The following CHODL variants were observed in gnomAD, a reference collection of about 807,000 sequenced individuals.
CHODL encodes the protein transmembrane protein MT75.
A neutral mutation model predicts 34.5 loss-of-function variants in CHODL; 29 were observed. The observed-to-expected ratio is 0.84, with a 90% confidence interval of 0.63 to 1.15. The LOEUF is 1.15. Ranked by LOEUF, CHODL falls within the 50% of genes most tolerant of loss-of-function variation. The probability of loss-of-function intolerance (pLI) is 0.00; values close to 1 mark genes in which losing one functional copy is unlikely to be tolerated. For missense variants in CHODL, 332 were observed against 332.5 expected (o/e 1.00, Z 0.01); for synonymous variants, 125 against 116.1 (o/e 1.08, Z -0.49).
chr21:17,997,701 C>T (rs950129576), intron 1 of CHODL, among the ~76,000 whole-genome samples: 5 of 152,126 alleles, frequency 3.3e-5, no homozygotes, highest in African/African-American at 1.2e-4. Context: ...AAAGTGAAAA[C>T]GGAAACCCCT....
intron 2 of CHODL, among the ~76,000 whole-genome samples, chr21:18,220,695 GTT>G (rs75523177): frequency 6.8e-6 from 1 of 147,168 alleles, no homozygotes. Flanking sequence ...TTGGCTCACA[GTT>G]TTTTTTTTTC....
chr21:18,077,805 A>G (rs1369425340), intron 2 of CHODL, among the ~76,000 whole-genome samples: 2 of 152,182 alleles, frequency 1.3e-5, no homozygotes, highest in East Asian at 3.9e-4. Flanking sequence ...TTTCTAAGCC[A>G]CTAAGTCTAT....
At chr21:18,127,275 CT>C (rs1289097318) in intron 2 of CHODL, among the ~76,000 whole-genome samples, 24 of 152,114 alleles carry the variant, frequency 1.6e-4, no homozygotes, top group Non-Finnish European at 8.8e-5. Context: ...AATTGTGTGG[CT>C]TTTAATCACT....
chr21:18,084,484 GA>G (rs1329495966), intron 2 of CHODL, among the ~76,000 whole-genome samples: 1 of 152,114 alleles, frequency 6.6e-6, no homozygotes, highest in African/African-American at 2.4e-5. Flanking sequence ...AACTCACAGA[GA>G]AAAATTTTAA....
intron 2 of CHODL, among the ~76,000 whole-genome samples, chr21:18,226,091 A>G (rs2038346046): frequency 6.6e-6 from 1 of 152,278 alleles, no homozygotes; most frequent in African/African-American, 2.4e-5. Context: ...ACAGGAGCCA[A>G]AAGAGAATCT....
At chr21:18,260,847 CA>C (rs796997087) in intron 4 of CHODL, among the ~76,000 whole-genome samples, 1 of 109,504 alleles carries the variant, frequency 9.1e-6, no homozygotes, top group Admixed American at 8.3e-5. Context: ...ACAACAACAA[CA>C]AAAAAACACC....
intron 2 of CHODL, among the ~76,000 whole-genome samples, chr21:18,079,668 T>C (rs205703): frequency 0.41 from 61,515 of 151,206 alleles, 13,710 homozygotes; most frequent in Non-Finnish European, 0.51. Context: ...ATGGACACTT[T>C]AGTTGATTCT....
Position 18,113,282 on chromosome 21 carries a change from G to A in CHODL, c.-45+85311G>A, listed in dbSNP as rs1356614449. Among the ~76,000 whole-genome samples, 4 of 152,164 alleles carry A rather than the reference G, an allele frequency of 2.6e-5. No homozygotes were observed. The East Asian group carries it at 7.7e-4, about 29-fold the overall frequency. ...AATGCTGGCGAGGATGCGGAGAAAAGTGAATTCTTGCACACTGTTGGTGGG... is the reference window on the plus strand; with the variant it reads ...AATGCTGGCGAGGATGCGGAGAAAAATGAATTCTTGCACACTGTTGGTGGG... On this transcript the variant is annotated intron_variant, in intron 2 of 6. Coordinates refer to the CHODL transcript ENST00000400127.
At chr21:17,947,082 C>T (rs2063416190) in intron 1 of CHODL, among the ~76,000 whole-genome samples, 1 of 151,998 alleles carries the variant, frequency 6.6e-6, no homozygotes, top group Non-Finnish European at 1.5e-5. Context: ...GAGTTAGCAA[C>T]ATTCCAGGAT....
At chr21:18,181,210 T>C (rs1223313486) in intron 2 of CHODL, among the ~76,000 whole-genome samples, 1 of 152,232 alleles carries the variant, frequency 6.6e-6, no homozygotes, top group Non-Finnish European at 1.5e-5. Context: ...AACTGTTATG[T>C]ATATGTTCAT....
At chr21:18,101,856 C>T (rs943569639) in intron 2 of CHODL, among the ~76,000 whole-genome samples, 1 of 151,798 alleles carries the variant, frequency 6.6e-6, no homozygotes, top group African/African-American at 2.4e-5. Context: ...TAATGAAATC[C>T]ATATTTGCTT....
chr21:18,260,197 CAG>C lies in CHODL; in HGVS notation c.549_550del, dbSNP rs1277303220. ...ATATGATGGTGGTTCTTATTATTTACAGAGATTAATCCAACAGCCCCTGTAGA... is the reference window on the plus strand; with the variant it reads ...ATATGATGGTGGTTCTTATTATTTACAGATTAATCCAACAGCCCCTGTAGA... On this transcript the variant is annotated splice_acceptor_variant, in intron 3 of 5. Transcript: ENST00000299295. LOFTEE classifies it high-confidence loss of function. The C allele has an allele frequency of 2.0e-6, 3 of 1,493,654 alleles. No individual in the cohort carries two copies. The highest frequency in any genetic ancestry group is 2.7e-6 in the Non-Finnish European group (3 of 1,108,444). 92.5% of individuals were successfully genotyped at this position (1,493,654 alleles called of 1,614,324 possible). A position where few individuals can be genotyped will look rare whatever the true frequency, so the allele number is the denominator to read the frequency against.
chr21:18,233,948 A>G (rs113379978), intron 2 of CHODL, among the ~76,000 whole-genome samples: 17 of 152,248 alleles, frequency 1.1e-4, no homozygotes, highest in African/African-American at 4.1e-4. Flanking sequence ...TTTTTTGATG[A>G]CATACTGAAG....
chr21:18,142,067 T>C (rs1190547708), intron 2 of CHODL, among the ~76,000 whole-genome samples: 1 of 152,084 alleles, frequency 6.6e-6, no homozygotes, highest in Non-Finnish European at 1.5e-5. Context: ...TTTTTGTCAA[T>C]AAAACAAAAC....
intron 1 of CHODL, among the ~76,000 whole-genome samples, chr21:17,993,279 G>A (rs2063815809): frequency 6.6e-6 from 1 of 152,066 alleles, no homozygotes; most frequent in Non-Finnish European, 1.5e-5. Flanking sequence ...GTTAACCTTT[G>A]TCATGGGGGT....
Position 18,245,287 on chromosome 21 carries a change from C to A in CHODL, c.64C>A (p.Arg22Ser). ...ALLCGHGAFC[R>S]RVVSGQKVCF... ...GCTCTGCGGCCACGGAGCCTTCTGCCGCCGCGTGGTCAGCGGTGAGTCAGG... is the reference window on the plus strand; with the variant it reads ...GCTCTGCGGCCACGGAGCCTTCTGCAGCCGCGTGGTCAGCGGTGAGTCAGG... The change falls in exon 1 of 6, where the codon CGC (arginine) becomes AGC (serine). Residue 22 changes from arginine to serine, a missense_variant. Physicochemically the swap from Arg to Ser is moderately radical, Grantham distance 110. Coordinates refer to ENST00000299295, the MANE Select transcript of CHODL (RefSeq NM_024944.3). 6.6e-7 allele frequency: 1 copy of A among 1,524,762 alleles called. No individual in the cohort carries two copies. The highest frequency in any genetic ancestry group is 8.8e-7 in the Non-Finnish European group (1 of 1,142,356). The allele number at this position is 1,524,762 out of a possible 1,614,324, so 94.5% of individuals were successfully genotyped here.
chr21:18,192,792 C>G (rs1004307867), intron 2 of CHODL, among the ~76,000 whole-genome samples: 2 of 152,076 alleles, frequency 1.3e-5, no homozygotes, highest in Admixed American at 6.6e-5. Flanking sequence ...AATCTACTCA[C>G]TTCATCTTTA....
At chr21:18,190,896 G>C (rs1018621681) in intron 2 of CHODL, among the ~76,000 whole-genome samples, 5 of 152,062 alleles carry the variant, frequency 3.3e-5, no homozygotes, top group Admixed American at 6.6e-5. Flanking sequence ...CTTGATATTC[G>C]TGAAGTCCAA....
intron 1 of CHODL, among the ~76,000 whole-genome samples, chr21:18,012,504 G>A (rs530163688): frequency 6.6e-6 from 1 of 152,184 alleles, no homozygotes; most frequent in Non-Finnish European, 1.5e-5. Context: ...GTATATAGAA[G>A]TATAAAATAA....
Sources: gnomAD v4.1 joint callset for allele counts (sites outside exome capture counted in the v4.1 genomes callset) on GRCh38, gnomAD v4.1.1 for gene constraint, MANE v1.5 for transcripts, NCBI Gene and HGNC (gene_info 2026-07-23, HGNC 2026-07-21) for gene names.